ZDHHC3: variants seen among roughly 807,000 people sequenced by gnomAD.
ZDHHC3 encodes the protein palmitoyltransferase ZDHHC3.
ZDHHC3 carries 9 observed loss-of-function variants against 30.6 expected under a neutral mutation model. The ratio of observed to expected loss-of-function variants is 0.29; its 90% confidence interval spans 0.18 to 0.51. The LOEUF is 0.51. Among genes scored for constraint, ZDHHC3 ranks in the 20% least tolerant of loss-of-function variants. The pLI, the probability that ZDHHC3 is intolerant of heterozygous loss-of-function variation, is 0.97. For missense variants in ZDHHC3, 246 were observed against 384.2 expected (o/e 0.64, Z 3.01); for synonymous variants, 136 against 140.2 (o/e 0.97, Z 0.21).
intron 1 of ZDHHC3, among the ~76,000 whole-genome samples, chr3:44,967,495 C>T (rs532929966): frequency 3.3e-5 from 5 of 152,136 alleles, no homozygotes; most frequent in African/African-American, 2.4e-5. Context: ...ACCAGCCTGG[C>T]CAACATAGTG....
At chr3:44,958,981 C>T in intron 2 of ZDHHC3, 150 bp downstream of exon 2, 6 of 982,160 alleles carry the variant, frequency 6.1e-6, no homozygotes, top group Non-Finnish European at 8.9e-6. Context: ...CCACAGAACT[C>T]TGAACAAGGC....
At position 44,923,391 on chromosome 3, in the gene ZDHHC3, G is replaced by A. The variant is rs541703249; in HGVS notation, c.*3298C>T. 4.7e-5 allele frequency: 46 copies of A among 985,256 alleles called. 2 individuals carry two copies. The South Asian group carries it at 1.5e-3, about 32-fold the overall frequency. The allele number at this position is 985,256 out of a possible 1,614,324, so 61.0% of individuals were successfully genotyped here. Reference sequence around the variant, plus strand: ...TCCACAGTGAGAAGTGTCCGCGCCCGGCTTAAAATGTTTGTTAATTTACCT... The same window carrying A: ...TCCACAGTGAGAAGTGTCCGCGCCCAGCTTAAAATGTTTGTTAATTTACCT... On this transcript the variant is annotated 3_prime_UTR_variant, in exon 7 of 7. Coordinates refer to ENST00000424952, the MANE Select transcript of ZDHHC3 (RefSeq NM_001135179.2).
Position 44,922,118 on chromosome 3 carries a change from G to C in ZDHHC3, c.*4571C>G. 7.1e-6 allele frequency: 7 copies of C among 985,394 alleles called. No individual in the cohort carries two copies. The highest frequency in any genetic ancestry group is 8.4e-6 in the Non-Finnish European group (7 of 829,930). 61.0% of individuals were successfully genotyped at this position (985,394 alleles called of 1,614,324 possible). On this transcript the variant is annotated 3_prime_UTR_variant, in exon 7 of 7. Coordinates refer to ENST00000424952, the MANE Select transcript of ZDHHC3 (RefSeq NM_001135179.2). ...TTGGGAGTACGCTGGTCAGTGGCTT[G>C]TTTCTGCTTCACTGTGAATTCTTTC...
At chr3:44,939,424 A>C (rs1252263306) in intron 3 of ZDHHC3, among the ~76,000 whole-genome samples, 1 of 152,230 alleles carries the variant, frequency 6.6e-6, no homozygotes, top group Non-Finnish European at 1.5e-5. Flanking sequence ...CTCAGGCACC[A>C]GGTGCCATGC....
intron 1 of ZDHHC3, among the ~76,000 whole-genome samples, chr3:44,974,362 G>A (rs1488266489): frequency 6.6e-6 from 1 of 152,168 alleles, no homozygotes; most frequent in Non-Finnish European, 1.5e-5. Context: ...TTCTTCCTGT[G>A]TCTTTCTGAT....
chr3:44,928,045 G>T (rs754176109), intron 6 of ZDHHC3, among the ~76,000 whole-genome samples: 159 of 152,326 alleles, frequency 1.0e-3, no homozygotes, highest in Non-Finnish European at 1.7e-3. Flanking sequence ...GGCTCCCCCA[G>T]ACCGTGGCCC....
At position 44,919,780 on chromosome 3, in the gene ZDHHC3, G is replaced by A; in HGVS notation, c.*6909C>T. The stretch of plus-strand genomic sequence containing the variant: ...ATGTTTACCTTTGGTGAGACTGACT[G>A]AAAGGTACATGGGAACTCTTTGTAC... On this transcript the variant is annotated 3_prime_UTR_variant, in exon 7 of 7. Transcript: ENST00000424952. 2 of 702,398 alleles carry A rather than the reference G, an allele frequency of 2.8e-6. No individual in the cohort carries two copies. The highest frequency in any genetic ancestry group is 1.7e-6 in the Non-Finnish European group (1 of 571,716). 43.5% of individuals were successfully genotyped at this position (702,398 alleles called of 1,614,324 possible).
At position 44,932,866 on chromosome 3, in the gene ZDHHC3, G is replaced by A. The variant is rs761039487; in HGVS notation, c.610+252C>T. The A allele has an allele frequency of 6.9e-6, 11 of 1,598,916 alleles. No homozygotes were observed. In the South Asian group the frequency reaches 7.7e-5, roughly 11 times the overall value. Reference sequence around the variant, plus strand: ...TGGGGCCTGCATTCTCCCTGGGCACGCTCAGTCCAGAGGGTCTGTCTGTCC... The same window carrying A: ...TGGGGCCTGCATTCTCCCTGGGCACACTCAGTCCAGAGGGTCTGTCTGTCC... On this transcript the variant is annotated intron_variant, in intron 5 of 6. Transcript: ENST00000424952.
intron 3 of ZDHHC3, among the ~76,000 whole-genome samples, chr3:44,942,528 G>A (rs964616142): frequency 3.3e-5 from 5 of 152,210 alleles, no homozygotes; most frequent in Non-Finnish European, 5.9e-5. Flanking sequence ...AATGCCAGGC[G>A]GTGGAGGCAG....
chr3:44,966,587 T>G (rs1443724120), intron 1 of ZDHHC3, among the ~76,000 whole-genome samples: 2 of 152,214 alleles, frequency 1.3e-5, no homozygotes, highest in Non-Finnish European at 2.9e-5. Flanking sequence ...TTAGAACTTC[T>G]CACATTTTAG....
chr3:44,956,197 CCT>C (rs1263039003), intron 2 of ZDHHC3, among the ~76,000 whole-genome samples: 1 of 152,308 alleles, frequency 6.6e-6, no homozygotes, highest in East Asian at 1.9e-4. Context: ...AGAAGGCTCC[CCT>C]CTCACTGCCC....
chr3:44,923,150 A>T lies in ZDHHC3; in HGVS notation c.*3539T>A. 5.4e-6 allele frequency: 5 copies of T among 933,500 alleles called. No homozygotes were observed. The highest frequency in any genetic ancestry group is 6.4e-6 in the Non-Finnish European group (5 of 784,486). 57.8% of individuals were successfully genotyped at this position (933,500 alleles called of 1,614,324 possible). A position where few individuals can be genotyped will look rare whatever the true frequency, so the allele number is the denominator to read the frequency against. ...GAGTGCAGTGGTGCGATCTTGGCTC[A>T]CTGCAAGCTCCACTTCCCGGGTTCA... On this transcript the variant is annotated 3_prime_UTR_variant, in exon 7 of 7. Transcript: ENST00000424952.
intron 2 of ZDHHC3, among the ~76,000 whole-genome samples, chr3:44,951,042 A>G (rs1703405951): frequency 6.6e-6 from 1 of 152,212 alleles, no homozygotes; most frequent in Non-Finnish European, 1.5e-5. Flanking sequence ...ACAGATGAAA[A>G]AGTGGAAAAG....
intron 5 of ZDHHC3, among the ~76,000 whole-genome samples, chr3:44,931,230 C>A (rs1701458854): frequency 6.6e-6 from 1 of 152,216 alleles, no homozygotes. Flanking sequence ...AACATCTGCA[C>A]AGTTCGGCCT....
chr3:44,964,772 T>C (rs1488539245), intron 1 of ZDHHC3, among the ~76,000 whole-genome samples: 2 of 152,214 alleles, frequency 1.3e-5, no homozygotes, highest in Non-Finnish European at 2.9e-5. Flanking sequence ...CTAATAGTTT[T>C]CCAAGGAAGA....
Position 44,917,468 on chromosome 3 carries a change from C to T in ZDHHC3, c.*9221G>A, listed in dbSNP as rs531785829. 3 of 196,170 alleles carry T rather than the reference C, an allele frequency of 1.5e-5. No homozygotes were observed. Among genetic ancestry groups the T allele is most frequent in the South Asian group, 1.9e-4 (2 of 10,736 alleles). 12.2% of individuals were successfully genotyped at this position (196,170 alleles called of 1,614,324 possible). A position where few individuals can be genotyped will look rare whatever the true frequency, so the allele number is the denominator to read the frequency against. On this transcript the variant is annotated 3_prime_UTR_variant, in exon 7 of 7. Coordinates refer to ENST00000424952, the MANE Select transcript of ZDHHC3 (RefSeq NM_001135179.2). The stretch of plus-strand genomic sequence containing the variant: ...GCCCGGTCCTTCTGTCACAACCTTA[C>T]TTCTCAAAGCCAGGAGCCAGGGGCC...
rs5848719 is a variant in ZDHHC3, at chr3:44,921,234, GA to G, written c.*5454del. ...ATTAGGACTAAGGCTCCCGAGGAAG[GA>G]AGAGTCTGTGCAGAACAGACTCAGC... On this transcript the variant is annotated 3_prime_UTR_variant, in exon 7 of 7. Coordinates refer to ENST00000424952, the MANE Select transcript of ZDHHC3 (RefSeq NM_001135179.2). 500,140 of 985,092 alleles carry G rather than the reference GA, an allele frequency of 0.51. 128,927 individuals carry two copies. Among genetic ancestry groups the G allele is most frequent in the East Asian group, 0.89 (7,824 of 8,782 alleles). 61.0% of individuals were successfully genotyped at this position (985,092 alleles called of 1,614,324 possible). A position where few individuals can be genotyped will look rare whatever the true frequency, so the allele number is the denominator to read the frequency against.
At chr3:44,936,559 T>C (rs1397637688) in intron 3 of ZDHHC3, among the ~76,000 whole-genome samples, 1 of 152,178 alleles carries the variant, frequency 6.6e-6, no homozygotes, top group Non-Finnish European at 1.5e-5. Context: ...TGCATGCAAA[T>C]GTTCATTGCA....
At chr3:44,971,858 T>TCTACAGATA (rs1705434956) in intron 1 of ZDHHC3, among the ~76,000 whole-genome samples, 1 of 152,182 alleles carries the variant, frequency 6.6e-6, no homozygotes, top group Non-Finnish European at 1.5e-5. Context: ...GACAGTATTC[T>TCTACAGATA]TTACAGATAT....
Sources: allele counts gnomAD v4.1 joint callset (sites outside exome capture counted in the v4.1 genomes callset), GRCh38; gene constraint gnomAD v4.1.1; transcripts MANE v1.5; gene names NCBI Gene and HGNC (gene_info 2026-07-23, HGNC 2026-07-21).